PTPN14: variants seen among roughly 807,000 people sequenced by gnomAD.
The protein encoded by PTPN14 is tyrosine-protein phosphatase non-receptor type 14.
A neutral mutation model predicts 126.8 loss-of-function variants in PTPN14; 53 were observed. That is an observed-to-expected ratio of 0.42 (90% CI 0.34 to 0.53). The LOEUF (loss-of-function observed/expected upper bound fraction) is 0.53. Ranked by LOEUF, PTPN14 falls within the 20% of genes least tolerant of loss-of-function variation. The probability of loss-of-function intolerance (pLI) is 0.08; values close to 1 mark genes in which losing one functional copy is unlikely to be tolerated. For missense variants in PTPN14, 1,257 were observed against 1,552.9 expected, an observed-to-expected ratio of 0.81 and a Z score of 3.20; for synonymous variants, 630 against 599.3, an observed-to-expected ratio of 1.05 and a Z score of -0.75.
intron 3 of PTPN14, among the ~76,000 whole-genome samples, chr1:214,421,423 A>G (rs1044582923): frequency 2.6e-5 from 4 of 152,208 alleles, no homozygotes; most frequent in Admixed American, 6.5e-5. Flanking sequence ...GCCTGCTAAC[A>G]TTTTGAAATT....
rs1375876754 is a variant in PTPN14, at chr1:214,355,244, G to A, written c.*2678C>T. 1 of 152,206 alleles carries A rather than the reference G, an allele frequency of 6.6e-6. No individual in the cohort carries two copies. Among genetic ancestry groups the A allele is most frequent in the South Asian group, 2.1e-4 (1 of 4,828 alleles). 9.4% of individuals were successfully genotyped at this position (152,206 alleles called of 1,614,324 possible). A position where few individuals can be genotyped will look rare whatever the true frequency, so the allele number is the denominator to read the frequency against. On this transcript the variant is annotated 3_prime_UTR_variant, in exon 19 of 19. Coordinates refer to ENST00000366956, the MANE Select transcript of PTPN14 (RefSeq NM_005401.5). ...CGGCAGGGACAGTGGATGAATTTCA[G>A]GGAAGCCCATGAGCTCTGACGACCT...
chr1:214,523,756 C>T (rs548560832), intron 1 of PTPN14, among the ~76,000 whole-genome samples: 4 of 151,978 alleles, frequency 2.6e-5, no homozygotes, highest in South Asian at 4.2e-4. Context: ...CCTCCTCCTG[C>T]GGTGGCTGAC....
chr1:214,502,624 G>A (rs1571627924), intron 1 of PTPN14, among the ~76,000 whole-genome samples: 1 of 152,104 alleles, frequency 6.6e-6, no homozygotes, highest in East Asian at 1.9e-4. Flanking sequence ...CTCCCAAAGT[G>A]CTGGGATTAC....
chr1:214,541,915 G>A (rs1655846623), intron 1 of PTPN14, among the ~76,000 whole-genome samples: 1 of 152,188 alleles, frequency 6.6e-6, no homozygotes, highest in Non-Finnish European at 1.5e-5. Flanking sequence ...CTGCTAGAGA[G>A]TGTGTACTTT....
intron 3 of PTPN14, among the ~76,000 whole-genome samples, chr1:214,448,746 C>T (rs1198523597): frequency 2.6e-5 from 4 of 152,186 alleles, no homozygotes; most frequent in African/African-American, 9.7e-5. Context: ...CAGGATACCA[C>T]ATGGGCTACC....
intron 2 of PTPN14, among the ~76,000 whole-genome samples, chr1:214,458,570 T>C (rs1430468338): frequency 2.0e-5 from 3 of 151,626 alleles, no homozygotes; most frequent in African/African-American, 7.3e-5. Flanking sequence ...AGGTGGCTAC[T>C]ATTACCATCT....
chr1:214,540,126 A>G (rs2102481766), intron 1 of PTPN14, among the ~76,000 whole-genome samples: 1 of 152,288 alleles, frequency 6.6e-6, no homozygotes, highest in South Asian at 2.1e-4. Context: ...TCTTTTAAAA[A>G]TGTACTGATT....
chr1:214,420,900 C>A (rs11120317), intron 3 of PTPN14, among the ~76,000 whole-genome samples: 77,074 of 152,040 alleles, frequency 0.51, 19,655 homozygotes, highest in East Asian at 0.54. Flanking sequence ...TAGTTAGCAT[C>A]GAAAGAAAAT....
chr1:214,544,742 C>T (rs1655925831), intron 1 of PTPN14, among the ~76,000 whole-genome samples: 1 of 150,194 alleles, frequency 6.7e-6, no homozygotes. Flanking sequence ...CAGAGCGAGA[C>T]TCCATCTCAA....
Position 214,483,449 on chromosome 1 carries a change from C to T in PTPN14, c.-154-18492G>A, listed in dbSNP as rs867168748. 10 of 1,077,966 alleles carry T rather than the reference C, an allele frequency of 9.3e-6. 1 individual carries two copies. Among genetic ancestry groups the T allele is most frequent in the South Asian group, 5.3e-5 (4 of 76,078 alleles). 66.8% of individuals were successfully genotyped at this position (1,077,966 alleles called of 1,614,324 possible). The stretch of plus-strand genomic sequence containing the variant: ...AGGGCGGGAGCGGGCGCACAAGCCT[C>T]GCCTAGTAATCTTGCCTGCGACCCT... On this transcript the variant is annotated intron_variant, in intron 1 of 18. Coordinates refer to ENST00000366956, the MANE Select transcript of PTPN14 (RefSeq NM_005401.5).
intron 1 of PTPN14, among the ~76,000 whole-genome samples, chr1:214,486,306 T>A (rs140697085): frequency 6.6e-6 from 1 of 152,136 alleles, no homozygotes; most frequent in African/African-American, 2.4e-5. Flanking sequence ...GAACAGTAAA[T>A]CAAACTTTAC....
chr1:214,440,467 A>G (rs181100881), intron 3 of PTPN14, among the ~76,000 whole-genome samples: 198 of 152,332 alleles, frequency 1.3e-3, no homozygotes, highest in African/African-American at 4.4e-3. Flanking sequence ...TAAAGAGAGG[A>G]AATCTGAATA....
intron 1 of PTPN14, among the ~76,000 whole-genome samples, chr1:214,549,947 C>G (rs1656065646): frequency 1.3e-5 from 2 of 152,196 alleles, no homozygotes; most frequent in Non-Finnish European, 2.9e-5. Context: ...GCCCCTCAGG[C>G]CCCCAGATGG....
At chr1:214,498,817 T>C (rs1203689210) in intron 1 of PTPN14, among the ~76,000 whole-genome samples, 11 of 152,108 alleles carry the variant, frequency 7.2e-5, no homozygotes, top group Admixed American at 2.0e-4. Context: ...AGATCCTTGT[T>C]CTGATTTAAG....
chr1:214,427,511 CATTA>C (rs1015238711), intron 3 of PTPN14, among the ~76,000 whole-genome samples: 1 of 151,878 alleles, frequency 6.6e-6, no homozygotes, highest in African/African-American at 2.4e-5. Context: ...ACATATATTC[CATTA>C]TTTATTCATT....
chr1:214,386,511 G>A (rs2102542452), intron 12 of PTPN14, among the ~76,000 whole-genome samples: 1 of 152,350 alleles, frequency 6.6e-6, no homozygotes, highest in African/African-American at 2.4e-5. Flanking sequence ...ACTGCCACGA[G>A]CTTTCTGATA....
intron 1 of PTPN14, among the ~76,000 whole-genome samples, chr1:214,501,260 A>T (rs1223994500): frequency 6.6e-6 from 1 of 151,806 alleles, no homozygotes; most frequent in Non-Finnish European, 1.5e-5. Flanking sequence ...TTTTTTTTGG[A>T]GACGGAGTTT....
chr1:214,393,545 C>T, intron 10 of PTPN14, 150 bp downstream of exon 10: 1 of 663,476 alleles, frequency 1.5e-6, no homozygotes, highest in Admixed American at 2.9e-5. Flanking sequence ...TTAAAGTTTT[C>T]ATTCCTGCCC....
chr1:214,384,792 C>T lies in PTPN14; in HGVS notation c.1067-4G>A, dbSNP rs780387119. 6.4e-5 allele frequency: 103 copies of T among 1,604,564 alleles called. No individual in the cohort carries two copies. In the Admixed American group the frequency reaches 1.5e-3, roughly 23 times the overall value. On this transcript the variant is annotated splice_region_variant and splice_polypyrimidine_tract_variant and intron_variant, in intron 12 of 18. Transcript: ENST00000366956. This position sits in a 1 kb window ranked among gnomAD's most constrained non-coding sequence, Gnocchi z 5.3. ...TCATTCCCATGAAAAATGCTGTCTA[C>T]AAGAAGTCAAACAAAGGCACGTGAA... is the stretch of plus-strand genomic sequence containing the variant.
Sources: gnomAD v4.1 joint callset for allele counts (sites outside exome capture counted in the v4.1 genomes callset) on GRCh38, gnomAD v4.1.1 for gene constraint, Gnocchi (gnomAD v3.1) non-coding constraint, MANE v1.5 for transcripts, NCBI Gene and HGNC (gene_info 2026-07-23, HGNC 2026-07-21) for gene names.